CCSAP: variants seen among roughly 807,000 people sequenced by gnomAD.
CCSAP encodes centriole, cilia and spindle associated protein, also known as centriole, cilia and spindle-associated protein.
A neutral mutation model predicts 25.9 loss-of-function variants in CCSAP; 17 were observed. The observed-to-expected ratio is 0.66, with a 90% CI of 0.45 to 0.99. The LOEUF is 0.99. CCSAP is among the 50% of genes least tolerant of loss of function. The pLI is 0.00. For synonymous variants in CCSAP, 169 were observed against 157.1 expected (o/e 1.08, Z -0.57); for missense variants, 339 against 367.8 (o/e 0.92, Z 0.64).
rs1204103448 is a variant in CCSAP, at chr1:229,342,518, G to T, written c.-48-5C>A. ...CCGCTCCTCGCTGCCCGCAGCCTAC[G>T]GGACCCGGTACACGACACAGAGGCC... is the stretch of plus-strand genomic sequence containing the variant. On this transcript the variant is annotated splice_region_variant and splice_polypyrimidine_tract_variant and intron_variant, in intron 1 of 3. Transcript: ENST00000284617. This position sits in a 1 kb window ranked among gnomAD's most constrained non-coding sequence, Gnocchi z 7.5. 1.6e-6 allele frequency: 2 copies of T among 1,237,418 alleles called. No homozygotes were observed. The highest frequency in any genetic ancestry group is 2.1e-6 in the Non-Finnish European group (2 of 967,328). The allele number at this position is 1,237,418 out of a possible 1,614,324, so 76.7% of individuals were successfully genotyped here.
chr1:229,321,083 CA>C lies in CCSAP; in HGVS notation c.*4151del, dbSNP rs1241050483. ...TATTAACTATAAGCTAAAAACAATA[CA>C]TAGTTCTTAGAAAATACAACCCCGA... On this transcript the variant is annotated 3_prime_UTR_variant, in exon 4 of 4. Coordinates refer to ENST00000284617, the MANE Select transcript of CCSAP (RefSeq NM_145257.5). The C allele has an allele frequency of 1.3e-5, 2 of 152,284 alleles. No individual in the cohort carries two copies. Among genetic ancestry groups the C allele is most frequent in the African/African-American group, 4.8e-5 (2 of 41,546 alleles). The allele number at this position is 152,284 out of a possible 1,614,324, so 9.4% of individuals were successfully genotyped here. A position where few individuals can be genotyped will look rare whatever the true frequency, so the allele number is the denominator to read the frequency against.
intron 2 of CCSAP, among the ~76,000 whole-genome samples, chr1:229,341,435 A>G (rs973643051): frequency 3.3e-4 from 50 of 152,230 alleles, no homozygotes; most frequent in Non-Finnish European, 7.3e-5. Flanking sequence ...TGGGCAGGAA[A>G]GAAGGTGAAG....
At chr1:229,334,632 A>G (rs1035389576) in intron 2 of CCSAP, among the ~76,000 whole-genome samples, 9 of 152,242 alleles carry the variant, frequency 5.9e-5, no homozygotes, top group African/African-American at 2.2e-4. Flanking sequence ...AGAAACCACA[A>G]ATCTTTAATG....
rs1657862116 is a variant in CCSAP, at chr1:229,322,993, AAAAG to A, written c.*2238_*2241del. The A allele has an allele frequency of 2.6e-5, 4 of 152,222 alleles. No homozygotes were observed. The highest frequency in any genetic ancestry group is 6.5e-5 in the Admixed American group (1 of 15,284). The allele number at this position is 152,222 out of a possible 1,614,324, so 9.4% of individuals were successfully genotyped here. ...TACAACCACATTCATTTCTAGAATGAAAAGAAAGAATTAGGACCATCAGACTGTT... is the reference window on the plus strand; with the variant it reads ...TACAACCACATTCATTTCTAGAATGAAAAGAATTAGGACCATCAGACTGTT... On this transcript the variant is annotated 3_prime_UTR_variant, in exon 4 of 4. Transcript: ENST00000284617.
chr1:229,341,840 A>C lies in CCSAP; in HGVS notation c.367+259T>G, dbSNP rs187292432. On this transcript the variant is annotated intron_variant, in intron 2 of 3. Transcript: ENST00000284617. ...TGCCAAGCCGCAGAGGCCCGCGAGG[A>C]AAGACCCCAGACTCAGCCAGCGGCG... Among the ~76,000 whole-genome samples, 92 of 152,108 alleles carry C rather than the reference A, an allele frequency of 6.0e-4. 2 individuals carry two copies. In the East Asian group the frequency reaches 0.015, roughly 26 times the overall value.
intron 2 of CCSAP, among the ~76,000 whole-genome samples, chr1:229,330,478 G>A (rs1012483545): frequency 6.6e-6 from 1 of 152,208 alleles, no homozygotes; most frequent in Non-Finnish European, 1.5e-5. Context: ...ACCCGAGATG[G>A]GAGCAGAGGA....
At position 229,325,165 on chromosome 1, in the gene CCSAP, T is replaced by C; in HGVS notation, c.*70A>G. 1 of 1,421,968 alleles carries C rather than the reference T, an allele frequency of 7.0e-7. No homozygotes were observed. Among genetic ancestry groups the C allele is most frequent in the South Asian group, 1.4e-5 (1 of 70,200 alleles). The allele number at this position is 1,421,968 out of a possible 1,614,324, so 88.1% of individuals were successfully genotyped here. ...TTAAACCTGTGTCCGTTTCTTTTGA[T>C]GGTTTTTGTTTTGTTTTTCCTTTCA... On this transcript the variant is annotated 3_prime_UTR_variant, in exon 4 of 4. Coordinates refer to ENST00000284617, the MANE Select transcript of CCSAP (RefSeq NM_145257.5).
chr1:229,331,698 G>C (rs937279541), intron 2 of CCSAP, among the ~76,000 whole-genome samples: 2 of 151,982 alleles, frequency 1.3e-5, no homozygotes, highest in African/African-American at 2.4e-5. Context: ...GAGGTTCCTG[G>C]AGGCCGGCGA....
At position 229,342,316 on chromosome 1, in the gene CCSAP, G is replaced by T. The variant is rs760895958; in HGVS notation, c.150C>A (p.Asp50Glu). Residue 50 changes from aspartate (D) to glutamate (E), a missense_variant, in exon 2 of 4, where the codon GAC (aspartate) becomes GAA (glutamate). Transcript: ENST00000284617. The surrounding 1 kb of genome is among the most constrained non-coding windows in gnomAD (Gnocchi z 7.5). ...LEQAHAPWLW[D>E]DWGPAGSSED... Reference sequence around the variant, plus strand: ...CCGAGGAGCCGGCCGGGCCCCAGTCGTCCCAGAGCCAGGGCGCGTGCGCCT... The same window carrying T: ...CCGAGGAGCCGGCCGGGCCCCAGTCTTCCCAGAGCCAGGGCGCGTGCGCCT... 5 of 1,476,794 alleles carry T rather than the reference G, an allele frequency of 3.4e-6. No homozygotes were observed. The highest frequency in any genetic ancestry group is 4.5e-6 in the Non-Finnish European group (5 of 1,115,342). 91.5% of individuals were successfully genotyped at this position (1,476,794 alleles called of 1,614,324 possible).
intron 2 of CCSAP, among the ~76,000 whole-genome samples, chr1:229,333,536 C>CATTT (rs1463415506): frequency 2.0e-5 from 3 of 151,650 alleles, no homozygotes; most frequent in South Asian, 2.1e-4. Context: ...CTGTACACTT[C>CATTT]ATTTATTTAT....
Position 229,341,193 on chromosome 1 carries a change from CAAA to C in CCSAP, c.367+903_367+905del, listed in dbSNP as rs71561730. 9.9e-5 allele frequency among the ~76,000 whole-genome samples: 9 copies of C among 91,092 alleles called. 1 individual carries two copies. The highest frequency in any genetic ancestry group is 1.9e-4 in the African/African-American group (4 of 20,762). 59.8% of individuals were successfully genotyped at this position (91,092 alleles called of 152,430 possible). ...TGGGCCACAGAGCGAGACTCCGTCT[CAAA>C]AAAAAAAAAAAAAAAAGATTACAAC... is the stretch of plus-strand genomic sequence containing the variant. On this transcript the variant is annotated intron_variant, in intron 2 of 3. Coordinates refer to ENST00000284617, the MANE Select transcript of CCSAP (RefSeq NM_145257.5).
rs566550119 is a variant in CCSAP at position 229,340,579 on chromosome 1, T to C, written c.367+1520A>G. On this transcript the variant is annotated intron_variant, in intron 2 of 3. Coordinates refer to ENST00000284617, the MANE Select transcript of CCSAP (RefSeq NM_145257.5). The stretch of plus-strand genomic sequence containing the variant: ...AGCAGATCAGTACCCACAGGAATAA[T>C]CTGGAAGGCATGTTCCCTACCCCCT... 2.5e-5 allele frequency: 15 copies of C among 602,556 alleles called. No homozygotes were observed. The East Asian group carries it at 4.0e-4, about 16-fold the overall frequency. The allele number at this position is 602,556 out of a possible 1,614,324, so 37.3% of individuals were successfully genotyped here. A position where few individuals can be genotyped will look rare whatever the true frequency, so the allele number is the denominator to read the frequency against.
At chr1:229,333,366 G>A (rs1194369767) in intron 2 of CCSAP, among the ~76,000 whole-genome samples, 3 of 147,962 alleles carry the variant, frequency 2.0e-5, no homozygotes, top group African/African-American at 7.5e-5. Context: ...CCGGGAGGCG[G>A]AGCTTGCAGT....
intron 3 of CCSAP, among the ~76,000 whole-genome samples, chr1:229,326,401 G>A (rs564921225): frequency 6.6e-6 from 1 of 152,198 alleles, no homozygotes; most frequent in Non-Finnish European, 1.5e-5. Flanking sequence ...ATGGGCCGTC[G>A]CCAGCCTTGG....
intron 2 of CCSAP, 69 bp from the exon 3 acceptor site, chr1:229,327,075 G>T: frequency 1.5e-6 from 2 of 1,301,808 alleles, no homozygotes; most frequent in Non-Finnish European, 2.1e-6. Flanking sequence ...AAATATTTAT[G>T]TTGAAAAATC....
At position 229,342,603 on chromosome 1, in the gene CCSAP, C is replaced by T. The variant is rs998994879; in HGVS notation, c.-48-90G>A. The T allele has an allele frequency of 3.8e-6, 2 of 531,248 alleles. No individual in the cohort carries two copies. Among genetic ancestry groups the T allele is most frequent in the Non-Finnish European group, 5.7e-6 (2 of 351,314 alleles). The allele number at this position is 531,248 out of a possible 1,614,324, so 32.9% of individuals were successfully genotyped here. A position where few individuals can be genotyped will look rare whatever the true frequency, so the allele number is the denominator to read the frequency against. ...GTTTAAACCCGGAGCCCCGCCCGGA[C>T]GGGAGCAGGGGGCGGGTCCCGGCGA... is the stretch of plus-strand genomic sequence containing the variant. On this transcript the variant is annotated intron_variant, in intron 1 of 3. Coordinates refer to ENST00000284617, the MANE Select transcript of CCSAP (RefSeq NM_145257.5). This position sits in a 1 kb window ranked among gnomAD's most constrained non-coding sequence, Gnocchi z 7.5.
intron 2 of CCSAP, among the ~76,000 whole-genome samples, chr1:229,337,750 A>AG (rs1485398880): frequency 7.1e-6 from 1 of 140,582 alleles, no homozygotes; most frequent in South Asian, 2.2e-4. Context: ...CGTGTCTCCA[A>AG]GGGAAAAAAA....
chr1:229,342,170 CCGCG>C lies in CCSAP; in HGVS notation c.292_295del (p.Arg98GlyfsTer28). On this transcript the variant is annotated frameshift_variant, in exon 2 of 4. Coordinates refer to ENST00000284617, the MANE Select transcript of CCSAP (RefSeq NM_145257.5). LOFTEE classifies it high-confidence loss of function. This position sits in a 1 kb window ranked among gnomAD's most constrained non-coding sequence, Gnocchi z 7.5. ...CTCCGCGTCCTGCTCCTCCGGGGCC[CCGCG>C]CGCCCGCCGTTCCGCCTCCTCCTGG... is the stretch of plus-strand genomic sequence containing the variant. The C allele has an allele frequency of 7.7e-7, 1 of 1,293,262 alleles. No homozygotes were observed. The highest frequency in any genetic ancestry group is 9.8e-7 in the Non-Finnish European group (1 of 1,021,900). 80.1% of individuals were successfully genotyped at this position (1,293,262 alleles called of 1,614,324 possible).
intron 2 of CCSAP, among the ~76,000 whole-genome samples, chr1:229,341,089 G>A (rs2102700476): frequency 6.6e-6 from 1 of 151,716 alleles, no homozygotes; most frequent in African/African-American, 2.4e-5. Context: ...AGCTACTCGG[G>A]AGGCTGAGGC....
Sources: allele counts gnomAD v4.1 joint callset (sites outside exome capture counted in the v4.1 genomes callset), GRCh38; gene constraint gnomAD v4.1.1; non-coding constraint Gnocchi (gnomAD v3.1); transcripts MANE v1.5; gene names NCBI Gene and HGNC (gene_info 2026-07-23, HGNC 2026-07-21).